STARD13: variants seen among roughly 807,000 people sequenced by gnomAD.
STARD13 encodes the protein stAR-related lipid transfer protein 13.
In STARD13, 62 loss-of-function variants were observed where a neutral mutation model predicts 106.4. The ratio of observed to expected loss-of-function variants is 0.58; its 90% CI spans 0.48 to 0.72. The LOEUF is 0.72. STARD13 is among the 30% of genes least tolerant of loss of function. The probability of loss-of-function intolerance (pLI) is 0.00; values close to 1 mark genes in which losing one functional copy is unlikely to be tolerated. For synonymous variants in STARD13, 565 were observed against 553.0 expected (o/e 1.02, Z -0.31); for missense variants, 1,387 against 1,424.0 (o/e 0.97, Z 0.42).
At chr13:33,647,819 T>C in the STARD13 span, among the ~76,000 whole-genome samples, 1 of 152,358 alleles carries the variant, frequency 6.6e-6, no homozygotes, top group East Asian at 1.9e-4. Flanking sequence ...CGCTTCTCTT[T>C]ATTGTTTTCA....
At chr13:33,249,524 A>G (rs1409171944) in intron 1 of STARD13, among the ~76,000 whole-genome samples, 1 of 152,220 alleles carries the variant, frequency 6.6e-6, no homozygotes, top group Non-Finnish European at 1.5e-5. Context: ...ACAATGTGCC[A>G]GGCTTTTTGG....
At chr13:33,105,806 C>G in intron 13 of STARD13, 96 bp from the exon 14 acceptor site, 1 of 975,446 alleles carries the variant, frequency 1.0e-6, no homozygotes, top group Non-Finnish European at 1.7e-6. Context: ...GCCCCGATGA[C>G]CAGTGAACCT....
intron 1 of STARD13, among the ~76,000 whole-genome samples, chr13:33,308,520 C>CTTTTTTTTTTTTTTT (rs552526416): frequency 7.6e-4 from 67 of 88,584 alleles, no homozygotes; most frequent in Admixed American, 8.8e-4. Context: ...CTTTTTCTTT[C>CTTTTTTTTTTTTTTT]TTTTTTTTTT....
At chr13:33,241,997 G>C (rs538153582) in intron 1 of STARD13, among the ~76,000 whole-genome samples, 1 of 152,118 alleles carries the variant, frequency 6.6e-6, no homozygotes, top group Non-Finnish European at 1.5e-5. Flanking sequence ...CTGCCTGGCC[G>C]CCCATGGTCT....
At chr13:33,244,877 A>T (rs911754613) in intron 1 of STARD13, among the ~76,000 whole-genome samples, 1 of 152,212 alleles carries the variant, frequency 6.6e-6, no homozygotes, top group African/African-American at 2.4e-5. Flanking sequence ...TGAACCAATA[A>T]ATGACTGTTG....
the STARD13 span, among the ~76,000 whole-genome samples, chr13:33,517,363 C>A: frequency 6.6e-6 from 1 of 152,140 alleles, no homozygotes; most frequent in African/African-American, 2.4e-5. Flanking sequence ...TGATGCTACT[C>A]ATATAGCAAG....
intron 1 of STARD13, among the ~76,000 whole-genome samples, chr13:33,236,455 C>A (rs776939147): frequency 2.6e-5 from 4 of 152,234 alleles, no homozygotes; most frequent in Non-Finnish European, 5.9e-5. Flanking sequence ...TGCTGAATAG[C>A]AGACCTCAGT....
chr13:33,390,341 G>A, the STARD13 span, among the ~76,000 whole-genome samples: 291 of 152,208 alleles, frequency 1.9e-3, 2 homozygotes, highest in Non-Finnish European at 3.3e-3. Flanking sequence ...AATTGCCTTA[G>A]GATATGTTTA....
chr13:33,123,744 G>A (rs146554793), intron 7 of STARD13, among the ~76,000 whole-genome samples: 270 of 152,332 alleles, frequency 1.8e-3, no homozygotes, highest in Middle Eastern at 3.4e-3. Flanking sequence ...GAAGACAAAA[G>A]GCTGGCAATG....
At chr13:33,615,181 GT>G in the STARD13 span, among the ~76,000 whole-genome samples, 1 of 152,186 alleles carries the variant, frequency 6.6e-6, no homozygotes, top group Non-Finnish European at 1.5e-5. Context: ...AAAAACCCCT[GT>G]GTTTTTGCCT....
chr13:33,369,126 A>C, the STARD13 span, among the ~76,000 whole-genome samples: 1 of 151,976 alleles, frequency 6.6e-6, no homozygotes. Context: ...ATTGTTCTGC[A>C]TTTTATCCCA....
At chr13:33,401,634 A>T in the STARD13 span, among the ~76,000 whole-genome samples, 1 of 152,216 alleles carries the variant, frequency 6.6e-6, no homozygotes, top group South Asian at 2.1e-4. Flanking sequence ...TAGGAATCAG[A>T]TTTGCATCAA....
At chr13:33,389,123 T>C in the STARD13 span, among the ~76,000 whole-genome samples, 1 of 151,280 alleles carries the variant, frequency 6.6e-6, no homozygotes, top group South Asian at 2.1e-4. Context: ...GTCTGGCTAA[T>C]TTTTTTGTAT....
chr13:33,543,106 T>G, the STARD13 span, among the ~76,000 whole-genome samples: 1 of 152,220 alleles, frequency 6.6e-6, no homozygotes, highest in Non-Finnish European at 1.5e-5. Flanking sequence ...ATTTTTTGCT[T>G]CCTTATGCGT....
chr13:33,538,636 T>A, the STARD13 span, among the ~76,000 whole-genome samples: 2 of 104,476 alleles, frequency 1.9e-5, no homozygotes, highest in South Asian at 5.6e-4. Context: ...GAGCCCAGTA[T>A]TTTTTTTTTT....
intron 1 of STARD13, among the ~76,000 whole-genome samples, chr13:33,174,645 C>T (rs1256836182): frequency 1.3e-5 from 2 of 152,190 alleles, no homozygotes; most frequent in Non-Finnish European, 2.9e-5. Context: ...AATAAATACA[C>T]TTGTTTTATG....
chr13:33,655,774 G>A, the STARD13 span, among the ~76,000 whole-genome samples: 5 of 152,312 alleles, frequency 3.3e-5, no homozygotes, highest in East Asian at 9.6e-4. Flanking sequence ...TGTTGGCAAA[G>A]TTTTATATGA....
the STARD13 span, among the ~76,000 whole-genome samples, chr13:33,415,025 G>A: frequency 6.6e-6 from 1 of 151,994 alleles, no homozygotes; most frequent in Admixed American, 6.6e-5. Flanking sequence ...AGACACCTGC[G>A]ACATATTTGT....
At chr13:33,277,413 T>G (rs1891502957) in intron 1 of STARD13, 1 of 152,226 alleles carries the variant, frequency 6.6e-6, no homozygotes, top group African/African-American at 2.4e-5. Flanking sequence ...ATAATTTTAC[T>G]TCATTCACTT....
Sources: allele counts gnomAD v4.1 joint callset (sites outside exome capture counted in the v4.1 genomes callset), GRCh38; gene constraint gnomAD v4.1.1; transcripts MANE v1.5; gene names NCBI Gene and HGNC (gene_info 2026-07-23, HGNC 2026-07-21).